PCDH9: variants seen among roughly 807,000 people sequenced by gnomAD.
The protein encoded by PCDH9 is protocadherin-9.
PCDH9 carries 24 observed loss-of-function variants against 70.6 expected under a neutral mutation model. The ratio of observed to expected loss-of-function variants is 0.34; its 90% CI spans 0.25 to 0.48. The LOEUF is 0.48. Ranked by LOEUF, PCDH9 falls within the 20% of genes least tolerant of loss-of-function variation. The pLI is 0.99. For missense variants in PCDH9, 1,281 were observed against 1,503.6 expected, an observed-to-expected ratio of 0.85 and a Z score of 2.45; for synonymous variants, 562 against 558.5, an observed-to-expected ratio of 1.01 and a Z score of -0.09.
At chr13:66,353,532 G>A (rs1258923735) in intron 4 of PCDH9, among the ~76,000 whole-genome samples, 2 of 152,060 alleles carry the variant, frequency 1.3e-5, no homozygotes, top group Admixed American at 1.3e-4. Flanking sequence ...TTGCTTGAAA[G>A]TGCTCTTGGT....
At chr13:67,039,873 G>T (rs1341800184) in intron 2 of PCDH9, among the ~76,000 whole-genome samples, 1 of 152,050 alleles carries the variant, frequency 6.6e-6, no homozygotes, top group African/African-American at 2.4e-5. Context: ...GTGCAGTCTT[G>T]TGAGACTAAG....
chr13:67,116,322 A>G (rs2086773326), intron 2 of PCDH9, among the ~76,000 whole-genome samples: 1 of 152,150 alleles, frequency 6.6e-6, no homozygotes, highest in Admixed American at 6.6e-5. Context: ...ACATCTCTCT[A>G]TTTAAGAAAT....
At chr13:66,834,156 TC>T (rs759061013) in intron 3 of PCDH9, among the ~76,000 whole-genome samples, 2 of 118,122 alleles carry the variant, frequency 1.7e-5, no homozygotes, top group African/African-American at 5.5e-5. Flanking sequence ...ATACCTATGG[TC>T]TTTTTTTTTT....
chr13:67,075,967 G>C (rs1440172089), intron 2 of PCDH9, among the ~76,000 whole-genome samples: 2 of 152,064 alleles, frequency 1.3e-5, no homozygotes, highest in East Asian at 3.9e-4. Flanking sequence ...TTGGAATGCA[G>C]TGATATGAGT....
chr13:66,824,141 A>C (rs910379711), intron 3 of PCDH9, among the ~76,000 whole-genome samples: 2 of 151,728 alleles, frequency 1.3e-5, no homozygotes, highest in African/African-American at 2.4e-5. Context: ...AGAAAAATGG[A>C]ATCTCCTTTA....
At chr13:66,477,719 T>A (rs1958759799) in intron 4 of PCDH9, among the ~76,000 whole-genome samples, 1 of 152,194 alleles carries the variant, frequency 6.6e-6, no homozygotes, top group Non-Finnish European at 1.5e-5. Context: ...ATTATTGTTA[T>A]CAATATAAAT....
intron 4 of PCDH9, among the ~76,000 whole-genome samples, chr13:66,598,020 C>A (rs1326248196): frequency 6.6e-6 from 1 of 151,590 alleles, no homozygotes; most frequent in Non-Finnish European, 1.5e-5. Flanking sequence ...AAAACCACAA[C>A]AAGATATCAC....
intron 2 of PCDH9, among the ~76,000 whole-genome samples, chr13:67,033,548 C>T (rs570434803): frequency 5.3e-5 from 8 of 152,052 alleles, no homozygotes; most frequent in Admixed American, 1.3e-4. Context: ...TGTTGCTTTA[C>T]GTGTCTTTCT....
At chr13:66,310,341 T>C (rs116927999) in intron 4 of PCDH9, among the ~76,000 whole-genome samples, 1 of 152,128 alleles carries the variant, frequency 6.6e-6, no homozygotes, top group Non-Finnish European at 1.5e-5. Flanking sequence ...TTAGCAGCTC[T>C]CAGACAGGTG....
intron 4 of PCDH9, among the ~76,000 whole-genome samples, chr13:66,579,891 T>TGGA (rs60646950): frequency 0.041 from 6,239 of 152,108 alleles, 394 homozygotes; most frequent in African/African-American, 0.14. Flanking sequence ...GACCCCTCAC[T>TGGA]GGAGCACATT....
chr13:66,463,256 C>T (rs923488536), intron 4 of PCDH9, among the ~76,000 whole-genome samples: 4 of 151,762 alleles, frequency 2.6e-5, no homozygotes, highest in African/African-American at 9.7e-5. Context: ...CTCCCCTTTG[C>T]ATTCAAGAGA....
chr13:66,624,912 C>T lies in PCDH9; in HGVS notation c.3340+6298G>A, dbSNP rs146368587. ...GATTCCGAGTTTTATACCAGTCTGC[C>T]ACTATGTACTTAACCTTTGTATTCT... On this transcript the variant is annotated intron_variant, in intron 4 of 4. Transcript: ENST00000377865. Among the ~76,000 whole-genome samples, 55 of 152,004 alleles carry T rather than the reference C, an allele frequency of 3.6e-4. 1 individual carries two copies. Among genetic ancestry groups the T allele is most frequent in the African/African-American group, 1.2e-3 (49 of 41,448 alleles).
chr13:67,213,266 A>G (rs1290633229), intron 2 of PCDH9: 1 of 148,000 alleles, frequency 6.8e-6, no homozygotes, highest in Non-Finnish European at 1.5e-5. Context: ...AGAGGAAACG[A>G]CTGATATGAA....
At chr13:66,734,734 G>T (rs115232759) in intron 3 of PCDH9, among the ~76,000 whole-genome samples, 1,678 of 152,226 alleles carry the variant, frequency 0.011, 32 homozygotes, top group African/African-American at 0.038. Context: ...TATAGGCTAG[G>T]TACTGCCTAT....
chr13:67,227,358 C>A lies in PCDH9; in HGVS notation c.1083G>T (p.Arg361Ser). 2 of 1,613,952 alleles carry A rather than the reference C, an allele frequency of 1.2e-6. No homozygotes were observed. Among genetic ancestry groups the A allele is most frequent in the Non-Finnish European group, 1.7e-6 (2 of 1,179,870 alleles). ...VNDNPPNIDL[R>S]YIISPINGTV... ...TGCCATTGATGGGACTTATAATGTA[C>A]CTGAGGTCTATATTAGGAGGGTTAT... is the stretch of plus-strand genomic sequence containing the variant. The change falls in exon 2 of 5, where the codon AGG (arginine) becomes AGT (serine). Residue 361 changes from arginine to serine, a missense_variant. This residue lies in a region of PCDH9 where 798 missense variants were observed against 1,003.1 expected (regional missense o/e 0.80). Transcript: ENST00000377865. The surrounding 1 kb of genome is among the most constrained non-coding windows in gnomAD (Gnocchi z 4.6).
chr13:67,096,937 A>G (rs2086331989), intron 2 of PCDH9, among the ~76,000 whole-genome samples: 1 of 152,120 alleles, frequency 6.6e-6, no homozygotes. Flanking sequence ...ATTGACTGGC[A>G]CAGTTTTTAA....
At chr13:66,873,308 T>C (rs2139514138) in intron 3 of PCDH9, among the ~76,000 whole-genome samples, 1 of 152,324 alleles carries the variant, frequency 6.6e-6, no homozygotes, top group East Asian at 1.9e-4. Flanking sequence ...ATGACATTTT[T>C]ATATATTTAA....
chr13:66,809,000 T>G (rs1265908319), intron 3 of PCDH9, among the ~76,000 whole-genome samples: 1 of 152,200 alleles, frequency 6.6e-6, no homozygotes, highest in Admixed American at 6.5e-5. Context: ...CACGCTGGAG[T>G]GCGGTGGCGC....
intron 3 of PCDH9, among the ~76,000 whole-genome samples, chr13:66,840,162 A>G (rs1490471993): frequency 6.6e-6 from 1 of 152,142 alleles, no homozygotes; most frequent in Non-Finnish European, 1.5e-5. Context: ...AAGTCTGTTA[A>G]ACAATATTAA....
Sources: allele counts gnomAD v4.1 joint callset (sites outside exome capture counted in the v4.1 genomes callset), GRCh38; gene constraint gnomAD v4.1.1; regional missense constraint gnomAD v4.1.1; non-coding constraint Gnocchi (gnomAD v3.1); transcripts MANE v1.5; gene names NCBI Gene and HGNC (gene_info 2026-07-23, HGNC 2026-07-21).